Variants in CSF1R observed in about 807,000 individuals in gnomAD.
CSF1R encodes colony stimulating factor 1 receptor, also known as macrophage colony-stimulating factor 1 receptor.
In CSF1R, 40 loss-of-function variants were observed where a neutral mutation model predicts 110.0. The ratio of observed to expected loss-of-function variants is 0.36; its 90% CI spans 0.28 to 0.47. The LOEUF is 0.47. CSF1R is among the 20% of genes least tolerant of loss of function. The probability of loss-of-function intolerance (pLI) is 0.99; values close to 1 mark genes in which losing one functional copy is unlikely to be tolerated. For missense variants in CSF1R, 1,052 were observed against 1,253.0 expected (o/e 0.84, Z 2.42); for synonymous variants, 523 against 503.4 (o/e 1.04, Z -0.52).
chr5:150,080,771 G>C lies in CSF1R; in HGVS notation c.303C>G (p.Val101=). The part of the protein sequence containing the change: ...LGGSAAIHLY[V]KDPARPWNVL... ...GAGGAGGCTCAGACTCCTCACCTTTGACATAGAGGTGGATGGCGGCGCTGC... is the reference window on the plus strand; with the variant it reads ...GAGGAGGCTCAGACTCCTCACCTTTCACATAGAGGTGGATGGCGGCGCTGC... The change falls in exon 2 of 21, where the codon GTC becomes GTG. Residue 101 remains valine, a synonymous_variant. Transcript: ENST00000675795. The C allele has an allele frequency of 6.2e-7, 1 of 1,614,078 alleles. No individual in the cohort carries two copies. Among genetic ancestry groups the C allele is most frequent in the Non-Finnish European group, 8.5e-7 (1 of 1,179,986 alleles).
rs138108021 is a variant in CSF1R at position 150,058,372 on chromosome 5, C to T, written c.2133-780G>A. The T allele has an allele frequency of 7.0e-5, 32 of 455,702 alleles. 1 individual carries two copies. Among genetic ancestry groups the T allele is most frequent in the Middle Eastern group, 6.5e-4 (2 of 3,070 alleles). 28.2% of individuals were successfully genotyped at this position (455,702 alleles called of 1,614,324 possible). A position where few individuals can be genotyped will look rare whatever the true frequency, so the allele number is the denominator to read the frequency against. ...AGCCAGATAGGATTTCTCTCTCCCT[C>T]CTGTCCCCTCTGCGCTAGAGATGTG... is the stretch of plus-strand genomic sequence containing the variant. On this transcript the variant is annotated intron_variant, in intron 14 of 20. Transcript: ENST00000675795.
chr5:150,057,607 G>A lies in CSF1R; in HGVS notation c.2133-15C>T, dbSNP rs1383526971. ...AGCCACTGTCCCTACATAGGAGAGAGGGTTGGGGGGCAGAGGTCACTCATC... is the reference window on the plus strand; with the variant it reads ...AGCCACTGTCCCTACATAGGAGAGAAGGTTGGGGGGCAGAGGTCACTCATC... On this transcript the variant is annotated splice_polypyrimidine_tract_variant and intron_variant, in intron 14 of 20. Coordinates refer to ENST00000675795, the MANE Select transcript of CSF1R (RefSeq NM_001288705.3). 2.5e-6 allele frequency: 4 copies of A among 1,607,186 alleles called. No homozygotes were observed. The highest frequency in any genetic ancestry group is 3.3e-5 in the Admixed American group (2 of 60,010).
intron 1 of CSF1R, among the ~76,000 whole-genome samples, chr5:150,107,590 G>A (rs1314832707): frequency 6.6e-6 from 1 of 152,244 alleles, no homozygotes; most frequent in East Asian, 1.9e-4. Context: ...CAGCTAAGTG[G>A]CAGAGCTGGG....
At chr5:150,092,917 G>A (rs997083841) in intron 1 of CSF1R, among the ~76,000 whole-genome samples, 2 of 151,302 alleles carry the variant, frequency 1.3e-5, no homozygotes, top group African/African-American at 2.5e-5. Context: ...TAAAAGCCAC[G>A]TGAATGTAGT....
intron 1 of CSF1R, among the ~76,000 whole-genome samples, chr5:150,109,644 T>G (rs1180306005): frequency 2.0e-5 from 3 of 152,140 alleles, no homozygotes; most frequent in Admixed American, 6.5e-5. Context: ...TTAAATAACG[T>G]TGTTTCTGTT....
rs72543477 is a variant in CSF1R, at chr5:150,053,836, G to GGC, written c.*232_*233insGC. 2,628 of 518,870 alleles carry GGC rather than the reference G, an allele frequency of 5.1e-3. 47 individuals are homozygous for GGC. In the African/African-American group the frequency reaches 0.06, roughly 12 times the overall value. The allele number at this position is 518,870 out of a possible 1,614,324, so 32.1% of individuals were successfully genotyped here. A position where few individuals can be genotyped will look rare whatever the true frequency, so the allele number is the denominator to read the frequency against. ...CCAACACCATGAGAACAGTAGGGGA[G>GGC]GGGGGGGTGAGGGCTCAGCCCCCAG... On this transcript the variant is annotated 3_prime_UTR_variant, in exon 21 of 21. Transcript: ENST00000675795.
chr5:150,080,658 C>A, intron 2 of CSF1R, 109 bp downstream of exon 2: 1 of 1,386,986 alleles, frequency 7.2e-7, no homozygotes, highest in Non-Finnish European at 9.9e-7. Flanking sequence ...TTGCTCATAG[C>A]CAGCACTCAG....
In CSF1R at chr5:150,056,249, C is replaced by T. The variant is rs1265832673; in HGVS notation, c.2412G>A (p.Met804Ile). 6.2e-7 allele frequency: 1 copy of T among 1,614,076 alleles called. No individual in the cohort carries two copies. The highest frequency in any genetic ancestry group is 8.5e-7 in the Non-Finnish European group (1 of 1,180,054). ...CCTTGACAATGTAGTTGGAGTCATT[C>T]ATGATGTCCCTAGCCAGCCCGAAGT... is the stretch of plus-strand genomic sequence containing the variant. ...IGDFGLARDI[M>I]NDSNYIVKGN... is the part of the protein sequence containing the mutation. The change falls in exon 17 of 21, where the codon ATG (methionine) becomes ATA (isoleucine). Residue 804 changes from methionine to isoleucine, a missense_variant. By Grantham distance (10) the Met-to-Ile change is conservative. This residue lies in a region of CSF1R where 74 missense variants were observed against 187.4 expected (regional missense o/e 0.39). Transcript: ENST00000675795.
At chr5:150,087,526 G>A (rs1758889048), upstream of CSF1R, among the ~76,000 whole-genome samples, 1 of 152,184 alleles carries the variant, frequency 6.6e-6, no homozygotes, top group Admixed American at 6.5e-5. Flanking sequence ...TTGGATCCCA[G>A]CAGTCTGGTT....
At chr5:150,057,184 AC>A (rs1561906552) in intron 16 of CSF1R, 102 bp downstream of exon 16, 85 of 925,986 alleles carry the variant, frequency 9.2e-5, no homozygotes, top group Admixed American at 2.1e-5. Context: ...CTCCTCCCCT[AC>A]CCCCTCACAG....
At chr5:150,056,910 C>A (rs140650063) in intron 16 of CSF1R, among the ~76,000 whole-genome samples, 3 of 152,132 alleles carry the variant, frequency 2.0e-5, no homozygotes, top group African/African-American at 4.8e-5. Flanking sequence ...CTTCCTAGGC[C>A]GAGCGCACTT....
At chr5:150,057,757 G>A (rs1407613176) in intron 14 of CSF1R, among the ~76,000 whole-genome samples, 165 bp from the exon 15 acceptor site, 1 of 152,208 alleles carries the variant, frequency 6.6e-6, no homozygotes, top group Non-Finnish European at 1.5e-5. Context: ...CTGCTCGGCT[G>A]TCCCCGGTGA....
In CSF1R at chr5:150,078,099, T is replaced by C. The variant is rs370117515; in HGVS notation, c.729+13A>G. 2.0e-5 allele frequency: 33 copies of C among 1,614,006 alleles called. 1 individual carries two copies. In the African/African-American group the frequency reaches 2.9e-4, roughly 14 times the overall value. ...GATGGCCAGACTTCACCTTGTGATC[T>C]GCAGGGACTGACCTTGGTGTTGTTG... On this transcript the variant is annotated intron_variant, in intron 4 of 20. Transcript: ENST00000675795.
chr5:150,105,407 G>A (rs1335592987), intron 1 of CSF1R, among the ~76,000 whole-genome samples: 3 of 145,520 alleles, frequency 2.1e-5, no homozygotes, highest in Non-Finnish European at 4.5e-5. Context: ...TAATAGAGGC[G>A]GGGTTACCAT....
At chr5:150,062,218 C>T (rs1757564108) in intron 10 of CSF1R, among the ~76,000 whole-genome samples, 1 of 115,602 alleles carries the variant, frequency 8.7e-6, no homozygotes, top group Non-Finnish European at 1.9e-5. Flanking sequence ...TCCATCTACC[C>T]ATCCATCCAC....
chr5:150,070,550 C>T lies in CSF1R; in HGVS notation c.1104G>A (p.Leu368=), dbSNP rs2113810178. The T allele has an allele frequency of 6.5e-7, 1 of 1,543,232 alleles. No individual in the cohort carries two copies. Among genetic ancestry groups the T allele is most frequent in the Non-Finnish European group, 8.7e-7 (1 of 1,143,340 alleles). The change falls in exon 7 of 21, where the codon CTG becomes CTA. Residue 368 remains leucine (L), a synonymous_variant. Transcript: ENST00000675795. ...DTYRHTFTLS[L]PRLKPSEAGR... ...CAGCCTCAGAGGGCTTCAGGCGGGGCAGAGAGAGGGTGAAGGTGTGCCTGC... is the reference window on the plus strand; with the variant it reads ...CAGCCTCAGAGGGCTTCAGGCGGGGTAGAGAGAGGGTGAAGGTGTGCCTGC...
upstream of CSF1R, among the ~76,000 whole-genome samples, chr5:150,090,128 T>G (rs959930082): frequency 6.6e-6 from 1 of 152,156 alleles, no homozygotes; most frequent in Non-Finnish European, 1.5e-5. Flanking sequence ...AAATGATTTC[T>G]CAGATATGTT....
At chr5:150,108,139 C>T (rs540515397) in intron 1 of CSF1R, among the ~76,000 whole-genome samples, 23 of 152,156 alleles carry the variant, frequency 1.5e-4, no homozygotes, top group Admixed American at 1.1e-3. Flanking sequence ...GGCCTGGAGG[C>T]GTAAGAGTGC....
chr5:150,092,340 A>T (rs770873604), intron 1 of CSF1R, among the ~76,000 whole-genome samples: 4 of 152,248 alleles, frequency 2.6e-5, no homozygotes, highest in Non-Finnish European at 4.4e-5. Flanking sequence ...TCACTTTCAC[A>T]TATGCATTTA....
Sources: allele counts gnomAD v4.1 joint callset (sites outside exome capture counted in the v4.1 genomes callset), GRCh38; gene constraint gnomAD v4.1.1; regional missense constraint gnomAD v4.1.1; transcripts MANE v1.5; gene names NCBI Gene and HGNC (gene_info 2026-07-23, HGNC 2026-07-21).